The following MEGF8 variants were observed in gnomAD, a reference collection of about 807,000 sequenced individuals.
MEGF8 encodes multiple EGF like domains 8.
In MEGF8, 156 loss-of-function variants were observed where a neutral mutation model predicts 302.9. The ratio of observed to expected loss-of-function variants is 0.52; its 90% CI spans 0.45 to 0.59. The LOEUF is 0.59. Ranked by LOEUF, MEGF8 falls within the 20% of genes least tolerant of loss-of-function variation. The pLI is 0.00. For missense variants in MEGF8, 3,345 were observed against 3,964.5 expected (o/e 0.84, Z 4.20); for synonymous variants, 1,621 against 1,660.5 (o/e 0.98, Z 0.58).
Position 42,359,215 on chromosome 19 carries a change from A to G in MEGF8, c.5461A>G (p.Asn1821Asp). The stretch of plus-strand genomic sequence containing the variant: ...CGTTCTGCTCTACCAGGTCAACTGC[A>G]ATGCCTGGCTTCTGCCCGACCTCAC... ...SDVLLYQVNCNAWLLPDLTRS... is the reference protein window; with the variant it reads ...SDVLLYQVNCDAWLLPDLTRS... Residue 1821 changes from asparagine to aspartate, a missense_variant, in exon 31 of 42, where the codon AAT (asparagine) becomes GAT (aspartate). By Grantham distance (23) the Asn-to-Asp change is conservative (BLOSUM62 1). Coordinates refer to ENST00000251268, the MANE Select transcript of MEGF8 (RefSeq NM_001271938.2). The G allele has an allele frequency of 6.3e-7, 1 of 1,589,482 alleles. No individual in the cohort carries two copies. The highest frequency in any genetic ancestry group is 8.6e-7 in the Non-Finnish European group (1 of 1,167,938).
In MEGF8 at chr19:42,370,373, G is replaced by C; in HGVS notation, c.7005+14G>C. ...GACCCAGAGGAGGTGAAAGAGAGGG[G>C]TCAGATGCCTGGGTCTGAGGGAGGA... On this transcript the variant is annotated intron_variant, in intron 39 of 41. Coordinates refer to ENST00000251268, the MANE Select transcript of MEGF8 (RefSeq NM_001271938.2). 5.9e-6 allele frequency: 9 copies of C among 1,536,554 alleles called. No homozygotes were observed. The highest frequency in any genetic ancestry group is 2.4e-5 in the East Asian group (1 of 41,554).
chr19:42,326,380 A>G lies in MEGF8; in HGVS notation c.137A>G (p.Asp46Gly). 6.3e-7 allele frequency: 1 copy of G among 1,584,338 alleles called. No homozygotes were observed. The highest frequency in any genetic ancestry group is 1.8e-5 in the Admixed American group (1 of 54,390). The change falls in exon 1 of 42, where the codon GAT (aspartate) becomes GGT (glycine). Residue 46 changes from aspartate (D) to glycine (G), a missense_variant. Physicochemically the swap from Asp to Gly is moderately conservative, Grantham distance 94. Transcript: ENST00000251268. ...VLREAPGFVT[D>G]GAGNYSVNGN... is the part of the protein sequence containing the mutation. ...CGGGAGGCGCCAGGCTTCGTGACGG[A>G]TGGTGCGGGCAACTACAGCGTCAAT...
chr19:42,349,443 G>A, intron 13 of MEGF8, 56 bp from the exon 14 acceptor site: 1 of 1,513,148 alleles, frequency 6.6e-7, no homozygotes, highest in Non-Finnish European at 9.0e-7. Context: ...TCAGGGGTCT[G>A]AGGAAGGAAT....
Position 42,369,560 on chromosome 19 carries a change from C to T in MEGF8, c.6671C>T (p.Ala2224Val). The T allele has an allele frequency of 6.2e-7, 1 of 1,610,932 alleles. No individual in the cohort carries two copies. Among genetic ancestry groups the T allele is most frequent in the South Asian group, 1.1e-5 (1 of 91,008 alleles). The change falls in exon 38 of 42, where the codon GCC becomes GTC. Residue 2224 changes from alanine to valine, a missense_variant. Transcript: ENST00000251268. This position sits in a 1 kb window ranked among gnomAD's most constrained non-coding sequence, Gnocchi z 5.7. The stretch of plus-strand genomic sequence containing the variant: ...ACAGGGCTGTGCCGCCCTGTGTGCG[C>T]CCAGGGCTGCGTGAACGGCTCATGT... ...NMTGLCRPVC[A>V]QGCVNGSCVE...
chr19:42,329,848 G>A (rs2039032731), intron 1 of MEGF8, among the ~76,000 whole-genome samples: 1 of 151,298 alleles, frequency 6.6e-6, no homozygotes, highest in Non-Finnish European at 1.5e-5. Context: ...CTCCAGCCTG[G>A]GCAGCAGAGC....
intron 9 of MEGF8, among the ~76,000 whole-genome samples, 157 bp downstream of exon 9, chr19:42,343,788 G>A (rs1208943330): frequency 6.6e-6 from 1 of 152,006 alleles, no homozygotes; most frequent in African/African-American, 2.4e-5. Context: ...AGAGGAAAGA[G>A]GAGCTAGAGG....
Position 42,361,034 on chromosome 19 carries a change from G to T in MEGF8, c.5720+28G>T, listed in dbSNP as rs769040673. 9.8e-6 allele frequency: 15 copies of T among 1,526,020 alleles called. No homozygotes were observed. In the Admixed American group the frequency reaches 2.9e-4, roughly 30 times the overall value. 94.5% of individuals were successfully genotyped at this position (1,526,020 alleles called of 1,614,324 possible). The stretch of plus-strand genomic sequence containing the variant: ...AACCATGGCGACCATGACAGGCAGT[G>T]GGGAGTGGAGCCCTCTAATGGGGGT... On this transcript the variant is annotated intron_variant, in intron 32 of 41. Transcript: ENST00000251268.
chr19:42,335,104 C>A lies in MEGF8; in HGVS notation c.628C>A (p.Gln210Lys), dbSNP rs773229520. Residue 210 changes from glutamine to lysine, a missense_variant, in exon 4 of 42, where the codon CAG becomes AAG. Gln to Lys is a moderately conservative substitution (Grantham distance 53, BLOSUM62 1). Transcript: ENST00000251268. ...CTGTGACCTGCACCTGTGGGAGAACCAGGGGGCTGGGTGGTGGCACAACGT... is the reference window on the plus strand; with the variant it reads ...CTGTGACCTGCACCTGTGGGAGAACAAGGGGGCTGGGTGGTGGCACAACGT... The part of the protein sequence containing the change: ...RACDLHLWEN[Q>K]GAGWWHNVSA... 5.0e-6 allele frequency: 8 copies of A among 1,613,968 alleles called. No individual in the cohort carries two copies. In the East Asian group the frequency reaches 1.6e-4, roughly 31 times the overall value.
rs201072861 is a variant in MEGF8 at position 42,370,150 on chromosome 19, C to T, written c.6835-39C>T. ...CCCAACGCCCTCCTACCCCTGATGACTCTCCAGCCTCTCTAACTACCCTGT... is the reference window on the plus strand; with the variant it reads ...CCCAACGCCCTCCTACCCCTGATGATTCTCCAGCCTCTCTAACTACCCTGT... On this transcript the variant is annotated intron_variant, in intron 38 of 41. Coordinates refer to ENST00000251268, the MANE Select transcript of MEGF8 (RefSeq NM_001271938.2). 2.2e-4 allele frequency: 342 copies of T among 1,575,130 alleles called. 2 individuals are homozygous for T. In the African/African-American group the frequency reaches 3.9e-3, roughly 18 times the overall value.
intron 35 of MEGF8, among the ~76,000 whole-genome samples, chr19:42,363,660 C>A (rs4803534): frequency 6.6e-6 from 1 of 152,182 alleles, no homozygotes; most frequent in African/African-American, 2.4e-5. Context: ...ACCTCCCAAA[C>A]CTTTTCTGCT....
At position 42,371,702 on chromosome 19, in the gene MEGF8, G is replaced by T. The variant is rs973429888; in HGVS notation, c.7269+220G>T. Among the ~76,000 whole-genome samples, 4 of 152,174 alleles carry T rather than the reference G, an allele frequency of 2.6e-5. No individual in the cohort carries two copies. In the South Asian group the frequency reaches 8.3e-4, roughly 32 times the overall value. On this transcript the variant is annotated intron_variant, in intron 41 of 41. Transcript: ENST00000251268. ...GATATGAGCCTCTGGGGGACTCTCA[G>T]ACTGGTGGGGAGACAGTCTCCATTA...
At chr19:42,332,185 G>A (rs538867805) in intron 1 of MEGF8, among the ~76,000 whole-genome samples, 1 of 152,098 alleles carries the variant, frequency 6.6e-6, no homozygotes, top group Non-Finnish European at 1.5e-5. Context: ...GTGCATTATT[G>A]CTCCTCATGA....
In MEGF8 at chr19:42,354,544, C is replaced by G. The variant is rs767178941; in HGVS notation, c.4012-44C>G. The G allele has an allele frequency of 1.6e-5, 25 of 1,583,162 alleles. No homozygotes were observed. Among genetic ancestry groups the G allele is most frequent in the Non-Finnish European group, 2.0e-5 (23 of 1,160,518 alleles). The stretch of plus-strand genomic sequence containing the variant: ...CTCCTCCCAGACCCCAGGTGTCGTT[C>G]TCATCCTCATTGTCTCCTAATCCTC... On this transcript the variant is annotated intron_variant, in intron 22 of 41. Transcript: ENST00000251268. The surrounding 1 kb of genome is among the most constrained non-coding windows in gnomAD (Gnocchi z 4.3).
intron 8 of MEGF8, among the ~76,000 whole-genome samples, chr19:42,341,543 C>T (rs1444112728): frequency 6.6e-6 from 1 of 151,990 alleles, no homozygotes; most frequent in Non-Finnish European, 1.5e-5. Flanking sequence ...CTCAAGTCAT[C>T]CTTCCATCTC....
In MEGF8 at chr19:42,336,801, C is replaced by T. The variant is rs373081044; in HGVS notation, c.1245-6C>T. The stretch of plus-strand genomic sequence containing the variant: ...CTGAGCCCCTGCCCTGCTTCTCCTT[C>T]GGTAGGTTCTCTGTGCGAGTGAACT... On this transcript the variant is annotated splice_polypyrimidine_tract_variant and splice_region_variant and intron_variant, in intron 6 of 41. Coordinates refer to ENST00000251268, the MANE Select transcript of MEGF8 (RefSeq NM_001271938.2). The surrounding 1 kb of genome is among the most constrained non-coding windows in gnomAD (Gnocchi z 4.8). 8.9e-6 allele frequency: 14 copies of T among 1,575,486 alleles called. No individual in the cohort carries two copies. In the African/African-American group the frequency reaches 1.2e-4, roughly 14 times the overall value.
chr19:42,335,263 T>C, intron 4 of MEGF8, 34 bp from the exon 5 acceptor site: 1 of 1,613,886 alleles, frequency 6.2e-7, no homozygotes, highest in Non-Finnish European at 8.5e-7. Context: ...CGGCAGCCTA[T>C]GGCCAGGGCA....
chr19:42,353,403 G>A lies in MEGF8; in HGVS notation c.3551-62G>A. ...GTGGGGTCAGGGTTTAGCTGAGCCA[G>A]TAGGCCTGGGCCTGTTTCCACCCTT... is the stretch of plus-strand genomic sequence containing the variant. On this transcript the variant is annotated intron_variant, in intron 20 of 41. Transcript: ENST00000251268. The surrounding 1 kb of genome is among the most constrained non-coding windows in gnomAD (Gnocchi z 6.1). 1.9e-6 allele frequency: 3 copies of A among 1,552,584 alleles called. No homozygotes were observed. Among genetic ancestry groups the A allele is most frequent in the Non-Finnish European group, 2.6e-6 (3 of 1,144,706 alleles).
chr19:42,349,401 AG>A, intron 13 of MEGF8, 97 bp from the exon 14 acceptor site: 4 of 1,023,584 alleles, frequency 3.9e-6, no homozygotes, highest in East Asian at 2.8e-5. Context: ...TCTTCTTAGG[AG>A]GGGGTGGGGT....
intron 41 of MEGF8, among the ~76,000 whole-genome samples, chr19:42,372,931 C>T (rs76894012): frequency 6.6e-6 from 1 of 152,084 alleles, no homozygotes; most frequent in African/African-American, 2.4e-5. Context: ...CCTTGGCCCC[C>T]CAAAGTGCTG....
Sources: gnomAD v4.1 joint callset for allele counts (sites outside exome capture counted in the v4.1 genomes callset) on GRCh38, gnomAD v4.1.1 for gene constraint, Gnocchi (gnomAD v3.1) non-coding constraint, MANE v1.5 for transcripts, NCBI Gene and HGNC (gene_info 2026-07-23, HGNC 2026-07-21) for gene names.